CTNNA3: variants seen among roughly 807,000 people sequenced by gnomAD.
CTNNA3 encodes catenin alpha 3, also known as catenin alpha-3.
In CTNNA3, 76 loss-of-function variants were observed where a neutral mutation model predicts 95.7. The ratio of observed to expected loss-of-function variants is 0.79; its 90% CI spans 0.66 to 0.96. The LOEUF is 0.96. CTNNA3 is among the 40% of genes least tolerant of loss of function. The pLI is 0.00. For synonymous variants in CTNNA3, 431 were observed against 374.4 expected (o/e 1.15, Z -1.74); for missense variants, 1,191 against 1,089.8 (o/e 1.09, Z -1.31).
chr10:67,213,350 T>A (rs562575034), intron 6 of CTNNA3, among the ~76,000 whole-genome samples: 122 of 151,932 alleles, frequency 8.0e-4, no homozygotes, highest in African/African-American at 2.9e-3. Flanking sequence ...GTATTCTTAA[T>A]TTATCTCACC....
rs146721875 is a variant in CTNNA3, at chr10:67,738,598, T to C, written c.-2+24836A>G. On this transcript the variant is annotated intron_variant, in intron 1 of 17. Coordinates refer to the CTNNA3 transcript ENST00000684154. ...AACAAAGCTGGGGGGAGAATGACTT[T>C]GATGAGTTGAGAGAAGAAGGCTTCA... 9.2e-3 allele frequency among the ~76,000 whole-genome samples: 1,405 copies of C among 151,986 alleles called. 22 individuals are homozygous for C. Among genetic ancestry groups the C allele is most frequent in the African/African-American group, 0.032 (1,346 of 41,420 alleles).
chr10:66,245,630 C>T (rs961072631), intron 13 of CTNNA3, among the ~76,000 whole-genome samples: 183 of 152,216 alleles, frequency 1.2e-3, no homozygotes, highest in African/African-American at 4.0e-3. Context: ...TGTTCAGCTC[C>T]GAGCACAGAA....
intron 9 of CTNNA3, among the ~76,000 whole-genome samples, chr10:66,763,450 T>A (rs1203319521): frequency 1.4e-5 from 2 of 141,126 alleles, no homozygotes; most frequent in Non-Finnish European, 3.0e-5. Context: ...GTTATAGGAA[T>A]CTATAAGTCT....
chr10:67,075,839 T>C (rs2131862774), intron 7 of CTNNA3, among the ~76,000 whole-genome samples: 1 of 152,336 alleles, frequency 6.6e-6, no homozygotes, highest in East Asian at 1.9e-4. Context: ...CAGGAAGCTT[T>C]TATAACTAGC....
chr10:67,675,205 T>G (rs969586941), intron 1 of CTNNA3, among the ~76,000 whole-genome samples: 1 of 152,136 alleles, frequency 6.6e-6, no homozygotes, highest in African/African-American at 2.4e-5. Flanking sequence ...TTTTGGAGTT[T>G]TTAATAAAAT....
At chr10:67,353,365 C>A (rs1842704023) in intron 5 of CTNNA3, among the ~76,000 whole-genome samples, 1 of 151,968 alleles carries the variant, frequency 6.6e-6, no homozygotes, top group African/African-American at 2.4e-5. Context: ...TACAGCTGGG[C>A]AACAACCTCT....
intron 13 of CTNNA3, among the ~76,000 whole-genome samples, chr10:66,114,452 A>G (rs999059459): frequency 2.5e-5 from 3 of 122,404 alleles, no homozygotes; most frequent in Non-Finnish European, 5.1e-5. Flanking sequence ...GTATATATGT[A>G]TATATGTGTA....
intron 7 of CTNNA3, among the ~76,000 whole-genome samples, chr10:67,129,994 A>T (rs1247342967): frequency 1.3e-5 from 2 of 152,194 alleles, no homozygotes; most frequent in African/African-American, 2.4e-5. Context: ...ATTTTCTGAT[A>T]TATAAAATGA....
At chr10:67,360,751 A>G (rs2132669362) in intron 5 of CTNNA3, among the ~76,000 whole-genome samples, 1 of 152,152 alleles carries the variant, frequency 6.6e-6, no homozygotes, top group South Asian at 2.1e-4. Flanking sequence ...CTTTTAAACA[A>G]TCGATCTCAT....
At chr10:66,483,093 G>A (rs1486054705) in intron 11 of CTNNA3, among the ~76,000 whole-genome samples, 1 of 152,154 alleles carries the variant, frequency 6.6e-6, no homozygotes, top group African/African-American at 2.4e-5. Flanking sequence ...GGAAGACTTG[G>A]AGGCTAACTA....
At chr10:67,086,526 C>T (rs1409771965) in intron 7 of CTNNA3, among the ~76,000 whole-genome samples, 1 of 151,996 alleles carries the variant, frequency 6.6e-6, no homozygotes, top group East Asian at 1.9e-4. Context: ...TATCCAAGTC[C>T]TGCCAAAGCA....
rs1290167373 is a variant in CTNNA3, at chr10:66,766,307, T to A, written c.1238A>T (p.Glu413Val). 1.2e-6 allele frequency: 2 copies of A among 1,613,886 alleles called. No homozygotes were observed. Among genetic ancestry groups the A allele is most frequent in the Non-Finnish European group, 1.7e-6 (2 of 1,179,928 alleles). The change falls in exon 9 of 18, where the codon GAA becomes GTA. Residue 413 changes from glutamate to valine, a missense_variant. By Grantham distance (121) the Glu-to-Val change is moderately radical. Transcript: ENST00000433211. ...AKNGREKEIK[E>V]YAAIFHEHTS... ...GTGTTCATGAAATATCGCAGCATAT[T>A]CTTTTATTTCCTTTTCCCGGCCATT...
intron 3 of CTNNA3, among the ~76,000 whole-genome samples, chr10:67,566,855 G>T (rs2133278828): frequency 6.6e-6 from 1 of 152,094 alleles, no homozygotes; most frequent in Non-Finnish European, 1.5e-5. Flanking sequence ...AAAATGATGA[G>T]TTCATGCCCT....
chr10:66,664,584 G>A (rs2132452116), intron 9 of CTNNA3, among the ~76,000 whole-genome samples: 1 of 152,134 alleles, frequency 6.6e-6, no homozygotes, highest in South Asian at 2.1e-4. Context: ...TTGGTGCCAT[G>A]ACTACGACAA....
At chr10:67,299,943 T>C (rs868086386) in intron 5 of CTNNA3, among the ~76,000 whole-genome samples, 1 of 152,370 alleles carries the variant, frequency 6.6e-6, no homozygotes, top group South Asian at 2.1e-4. Context: ...GCTGCACATG[T>C]ATTTCATTCT....
intron 10 of CTNNA3, among the ~76,000 whole-genome samples, chr10:66,575,389 A>C (rs2132176934): frequency 6.6e-6 from 1 of 152,252 alleles, no homozygotes; most frequent in East Asian, 1.9e-4. Context: ...ACAGCTGATA[A>C]GTCTGCTCAG....
chr10:66,745,384 C>T (rs1159919052), intron 9 of CTNNA3, among the ~76,000 whole-genome samples: 2 of 152,156 alleles, frequency 1.3e-5, no homozygotes, highest in African/African-American at 2.4e-5. Context: ...CTGGTATTAA[C>T]TCTACCATTT....
At chr10:66,321,384 T>C (rs1402930513) in intron 12 of CTNNA3, among the ~76,000 whole-genome samples, 3 of 151,904 alleles carry the variant, frequency 2.0e-5, no homozygotes, top group Non-Finnish European at 1.5e-5. Context: ...TATTTAAAGG[T>C]TGGAGGTAGA....
At chr10:66,194,529 G>A (rs1589693611) in intron 13 of CTNNA3, among the ~76,000 whole-genome samples, 2 of 152,248 alleles carry the variant, frequency 1.3e-5, no homozygotes, top group African/African-American at 4.8e-5. Flanking sequence ...GCAGTGAGCC[G>A]AGATCATGCC....
Sources: gnomAD v4.1 joint callset for allele counts (sites outside exome capture counted in the v4.1 genomes callset) on GRCh38, gnomAD v4.1.1 for gene constraint, MANE v1.5 for transcripts, NCBI Gene and HGNC (gene_info 2026-07-23, HGNC 2026-07-21) for gene names.